RPRD2: variants seen among roughly 807,000 people sequenced by gnomAD.
RPRD2 encodes regulation of nuclear pre-mRNA domain containing 2, also known as regulation of nuclear pre-mRNA domain-containing protein 2.
A neutral mutation model predicts 104.4 loss-of-function variants in RPRD2; 12 were observed. That is an observed-to-expected ratio of 0.11 (90% CI 0.07 to 0.19). RPRD2 has a LOEUF of 0.19. Among genes scored for constraint, RPRD2 ranks in the 10% least tolerant of loss-of-function variants. The probability of loss-of-function intolerance (pLI) is 1.00; values close to 1 mark genes in which losing one functional copy is unlikely to be tolerated. For missense variants in RPRD2, 1,543 were observed against 1,790.1 expected, an observed-to-expected ratio of 0.86 and a Z score of 2.49; for synonymous variants, 714 against 684.9, an observed-to-expected ratio of 1.04 and a Z score of -0.66.
In RPRD2 at chr1:150,460,125, A is replaced by G. The variant is rs781926538; in HGVS notation, c.1219A>G (p.Thr407Ala). ...ATCCACTTCTGTACCTACAAAGCCA[A>G]CAGAAAATATCTCAAAGGCCTCTTC... ...AVSTSVPTKPTENISKASSCT... is the reference protein window; with the variant it reads ...AVSTSVPTKPAENISKASSCT... Residue 407 changes from threonine (T) to alanine (A), a missense_variant, in exon 9 of 11, where the codon ACA becomes GCA. Thr to Ala is a moderately conservative substitution (Grantham distance 58, BLOSUM62 0). Transcript: ENST00000369068. 65 of 1,613,876 alleles carry G rather than the reference A, an allele frequency of 4.0e-5. No individual in the cohort carries two copies. The highest frequency in any genetic ancestry group is 3.3e-4 in the Middle Eastern group (2 of 6,084).
rs144965170 is a variant in RPRD2, at chr1:150,391,863, G to A, written c.206-25733G>A. On this transcript the variant is annotated intron_variant, in intron 1 of 10. Transcript: ENST00000369068. ...GCAGAGGTTGCAGTGAGCCGAGATC[G>A]CACCACTGCACTCCAGCCTGGGCAA... Among the ~76,000 whole-genome samples, 506 of 152,064 alleles carry A rather than the reference G, an allele frequency of 3.3e-3. 3 individuals are homozygous for A. Among genetic ancestry groups the A allele is most frequent in the African/African-American group, 0.011 (472 of 41,496 alleles).
chr1:150,438,437 C>G (rs587735831), intron 2 of RPRD2, among the ~76,000 whole-genome samples: 2 of 152,086 alleles, frequency 1.3e-5, no homozygotes, highest in South Asian at 4.2e-4. Flanking sequence ...ACCAGCCTAA[C>G]CAACATGGTG....
chr1:150,406,399 T>C (rs1230042723), intron 1 of RPRD2, among the ~76,000 whole-genome samples: 1 of 152,308 alleles, frequency 6.6e-6, no homozygotes. Flanking sequence ...TCTGGCTTAG[T>C]ACTTACAGGT....
intron 2 of RPRD2, among the ~76,000 whole-genome samples, chr1:150,426,099 T>TCAAA (rs377101830): frequency 2.6e-4 from 40 of 152,060 alleles, no homozygotes; most frequent in African/African-American, 8.7e-4. Context: ...AGACCCTGTC[T>TCAAA]CAAACAAACA....
intron 1 of RPRD2, among the ~76,000 whole-genome samples, chr1:150,403,041 C>G (rs892716626): frequency 2.6e-5 from 4 of 151,994 alleles, no homozygotes; most frequent in Admixed American, 6.6e-5. Context: ...GAAAGTCCAT[C>G]AGCAGCTCAA....
intron 2 of RPRD2, among the ~76,000 whole-genome samples, chr1:150,421,646 T>C (rs1186239801): frequency 3.3e-5 from 5 of 152,084 alleles, no homozygotes; most frequent in African/African-American, 1.2e-4. Context: ...AATAAATAAA[T>C]TATAAAGTAT....
Position 150,472,008 on chromosome 1 carries a change from C to T in RPRD2, c.3060C>T (p.Pro1020=), listed in dbSNP as rs776287418. ...KNMLKNASRK[P]SDDKHFGQAP... ...TGCTTAAAAACGCCTCACGTAAGCC[C>T]TCAGATGATAAGCATTTTGGCCAGG... Residue 1020 remains proline, a synonymous_variant, in exon 11 of 11, where the codon CCC becomes CCT. Coordinates refer to ENST00000369068, the MANE Select transcript of RPRD2 (RefSeq NM_015203.5). The T allele has an allele frequency of 6.2e-7, 1 of 1,613,944 alleles. No individual in the cohort carries two copies.
chr1:150,404,985 C>T (rs767260631), intron 1 of RPRD2, among the ~76,000 whole-genome samples: 3 of 152,120 alleles, frequency 2.0e-5, no homozygotes, highest in African/African-American at 7.2e-5. Context: ...TTGCATGAAG[C>T]GGGTAGTTCA....
At chr1:150,409,398 C>CT (rs1404773775) in intron 1 of RPRD2, among the ~76,000 whole-genome samples, 20 of 151,422 alleles carry the variant, frequency 1.3e-4, no homozygotes, top group East Asian at 9.7e-4. Context: ...TCTTCCTTCT[C>CT]TTTTTTTTTC....
rs1668734849 is a variant in RPRD2 at position 150,473,488 on chromosome 1, T to TA, written c.*155dup. 1 of 570,860 alleles carries TA rather than the reference T, an allele frequency of 1.8e-6. No homozygotes were observed. The highest frequency in any genetic ancestry group is 2.9e-6 in the Non-Finnish European group (1 of 350,776). 35.4% of individuals were successfully genotyped at this position (570,860 alleles called of 1,614,324 possible). A position where few individuals can be genotyped will look rare whatever the true frequency, so the allele number is the denominator to read the frequency against. On this transcript the variant is annotated 3_prime_UTR_variant, in exon 11 of 11. Coordinates refer to ENST00000369068, the MANE Select transcript of RPRD2 (RefSeq NM_015203.5). Reference sequence around the variant, plus strand: ...TCCAAAGTAAGAAATCACATACGCTTACGTTTTACTATTCAATTCAATCCT... The same window carrying TA: ...TCCAAAGTAAGAAATCACATACGCTTAACGTTTTACTATTCAATTCAATCCT...
chr1:150,381,784 G>A (rs766887040), intron 1 of RPRD2, among the ~76,000 whole-genome samples: 4 of 152,002 alleles, frequency 2.6e-5, no homozygotes, highest in Non-Finnish European at 5.9e-5. Context: ...GATTACAGAC[G>A]TGAGCCACCG....
chr1:150,403,060 A>G (rs1447357105), intron 1 of RPRD2, among the ~76,000 whole-genome samples: 4 of 152,194 alleles, frequency 2.6e-5, no homozygotes, highest in Non-Finnish European at 5.9e-5. Flanking sequence ...AATGGATAAG[A>G]CTGTGGTGTA....
At chr1:150,395,152 C>G (rs587593551) in intron 1 of RPRD2, among the ~76,000 whole-genome samples, 4 of 152,068 alleles carry the variant, frequency 2.6e-5, no homozygotes, top group Admixed American at 6.6e-5. Flanking sequence ...TCCCTCACCC[C>G]CTTCCCACTC....
intron 7 of RPRD2, among the ~76,000 whole-genome samples, chr1:150,446,679 T>G (rs1324705648): frequency 6.6e-6 from 1 of 151,858 alleles, no homozygotes; most frequent in Non-Finnish European, 1.5e-5. Context: ...CTGAGTGTGA[T>G]CTCAGGCTTC....
chr1:150,415,544 A>G (rs2102269937), intron 1 of RPRD2, among the ~76,000 whole-genome samples: 1 of 151,684 alleles, frequency 6.6e-6, no homozygotes, highest in East Asian at 1.9e-4. Context: ...AAAATTAGCC[A>G]GGCATGGTGG....
chr1:150,461,853 G>A (rs587643191), intron 9 of RPRD2, among the ~76,000 whole-genome samples: 11 of 151,924 alleles, frequency 7.2e-5, no homozygotes, highest in South Asian at 4.2e-4. Context: ...GGTGGCGGGC[G>A]CCTGTAGTCC....
Position 150,444,300 on chromosome 1 carries a change from A to G in RPRD2, c.617A>G (p.Gln206Arg). 1 of 1,613,788 alleles carries G rather than the reference A, an allele frequency of 6.2e-7. No individual in the cohort carries two copies. The highest frequency in any genetic ancestry group is 8.5e-7 in the Non-Finnish European group (1 of 1,179,718). ...ELLLYKRSEDQIELKEKQLST... is the reference protein window; with the variant it reads ...ELLLYKRSEDRIELKEKQLST... ...TTGCTATACAAGCGCTCAGAAGATCAGATAGAACTGAAGGAAAAGCAGTTG... is the reference window on the plus strand; with the variant it reads ...TTGCTATACAAGCGCTCAGAAGATCGGATAGAACTGAAGGAAAAGCAGTTG... Residue 206 changes from glutamine (Q) to arginine (R), a missense_variant, in exon 6 of 11, where the codon CAG becomes CGG. Physicochemically the swap from Gln to Arg is conservative, Grantham distance 43. This residue lies in a region of RPRD2 where 572 missense variants were observed against 787.3 expected (regional missense o/e 0.73). Coordinates refer to ENST00000369068, the MANE Select transcript of RPRD2 (RefSeq NM_015203.5).
At chr1:150,449,882 C>T (rs1258844915) in intron 7 of RPRD2, among the ~76,000 whole-genome samples, 1 of 152,174 alleles carries the variant, frequency 6.6e-6, no homozygotes, top group East Asian at 1.9e-4. Context: ...TTGGAACTCA[C>T]ATTAGTATGT....
In RPRD2 at chr1:150,444,272, C is replaced by T. The variant is rs200294305; in HGVS notation, c.589C>T (p.Leu197=). 1.1e-4 allele frequency: 175 copies of T among 1,613,456 alleles called. No homozygotes were observed. The highest frequency in any genetic ancestry group is 1.2e-4 in the Non-Finnish European group (142 of 1,179,612). Residue 197 remains leucine (L), a synonymous_variant, in exon 6 of 11, where the codon CTG becomes TTG. Coordinates refer to ENST00000369068, the MANE Select transcript of RPRD2 (RefSeq NM_015203.5). The part of the protein sequence containing the change: ...EFRSQALIEE[L]LLYKRSEDQI... ...TTAGTCTCAGGCCCTAATTGAAGAG[C>T]TGTTGCTATACAAGCGCTCAGAAGA...
Sources: gnomAD v4.1 joint callset for allele counts (sites outside exome capture counted in the v4.1 genomes callset) on GRCh38, gnomAD v4.1.1 for gene constraint, gnomAD v4.1.1 regional missense constraint, MANE v1.5 for transcripts, NCBI Gene and HGNC (gene_info 2026-07-23, HGNC 2026-07-21) for gene names.